TMX4: variants seen among roughly 807,000 people sequenced by gnomAD.
TMX4 encodes the protein thioredoxin related transmembrane protein 4.
Under a neutral mutation model 33.3 loss-of-function variants are expected in TMX4, and 23 were observed. The ratio of observed to expected loss-of-function variants is 0.69; its 90% CI spans 0.50 to 0.98. TMX4 has a LOEUF of 0.98. TMX4 is among the 50% of genes least tolerant of loss of function. The probability of loss-of-function intolerance (pLI) is 0.00; values close to 1 mark genes in which losing one functional copy is unlikely to be tolerated. For synonymous variants in TMX4, 164 were observed against 161.5 expected (o/e 1.02, Z -0.12); for missense variants, 399 against 448.9 (o/e 0.89, Z 1.01).
At chr20:8,016,775 G>A (rs1277437203) in intron 1 of TMX4, among the ~76,000 whole-genome samples, 1 of 152,130 alleles carries the variant, frequency 6.6e-6, no homozygotes, top group African/African-American at 2.4e-5. Flanking sequence ...CTCATTCAAA[G>A]TAATGAATAC....
Position 7,982,221 on chromosome 20 carries a change from G to A in TMX4, c.*30C>T. 6.3e-7 allele frequency: 1 copy of A among 1,593,600 alleles called. No homozygotes were observed. The highest frequency in any genetic ancestry group is 8.6e-7 in the Non-Finnish European group (1 of 1,168,622). On this transcript the variant is annotated 3_prime_UTR_variant, in exon 8 of 8. Coordinates refer to ENST00000246024, the MANE Select transcript of TMX4 (RefSeq NM_021156.4). ...AAAGGGAAGCTGACATATTGTTTTG[G>A]TGTGTATTCTTGAAAACGCATCATT...
intron 4 of TMX4, among the ~76,000 whole-genome samples, chr20:7,999,364 A>G (rs544513326): frequency 6.6e-6 from 1 of 152,342 alleles, no homozygotes; most frequent in East Asian, 1.9e-4. Flanking sequence ...TTCATAAACT[A>G]TAATTCAATA....
At position 8,019,600 on chromosome 20, in the gene TMX4, C is replaced by G. The variant is rs2050803828; in HGVS notation, c.14G>C (p.Arg5Pro). The change falls in exon 1 of 8, where the codon CGC (arginine) becomes CCC (proline). Residue 5 changes from arginine (R) to proline (P), a missense_variant. Transcript: ENST00000246024. ...GAGCGCCGTTAGCTGCGGGCCGCAG[C>G]GCCCACCCGCCATGTTGGGCGCCGA... MAGG[R>P]CGPQLTALLA... 8 of 1,348,428 alleles carry G rather than the reference C, an allele frequency of 5.9e-6. No homozygotes were observed. The highest frequency in any genetic ancestry group is 6.6e-6 in the Non-Finnish European group (7 of 1,052,736). The allele number at this position is 1,348,428 out of a possible 1,614,324, so 83.5% of individuals were successfully genotyped here. A position where few individuals can be genotyped will look rare whatever the true frequency, so the allele number is the denominator to read the frequency against.
intron 1 of TMX4, chr20:8,019,204 G>A (rs2050799058): frequency 3.8e-6 from 2 of 525,878 alleles, no homozygotes; most frequent in Admixed American, 4.2e-5. Context: ...CGAGCGGCCG[G>A]GCCCCACAGC....
intron 1 of TMX4, among the ~76,000 whole-genome samples, chr20:8,011,960 G>A (rs1212614692): frequency 6.6e-6 from 1 of 152,018 alleles, no homozygotes; most frequent in Non-Finnish European, 1.5e-5. Context: ...ATATACAGTA[G>A]GTGTTCAATA....
Position 7,982,353 on chromosome 20 carries a change from C to A in TMX4, c.948G>T (p.Glu316Asp). Residue 316 changes from glutamate to aspartate, a missense_variant, in exon 8 of 8, where the codon GAG becomes GAT. Physicochemically the swap from Glu to Asp is conservative, Grantham distance 45 (BLOSUM62 2). Transcript: ENST00000246024. ...GTTGCTCAGAGATGCCTTCTTCAGC[C>A]TCCTCAGGCTCTACTTCCTCCCGGG... ...GVTREEVEPE[E>D]AEEGISEQPC... The A allele has an allele frequency of 6.2e-7, 1 of 1,614,084 alleles. No individual in the cohort carries two copies. Among genetic ancestry groups the A allele is most frequent in the Non-Finnish European group, 8.5e-7 (1 of 1,180,012 alleles).
rs752842516 is a variant in TMX4, at chr20:7,983,763, A to G, written c.679+31T>C. 29 of 1,599,038 alleles carry G rather than the reference A, an allele frequency of 1.8e-5. No individual in the cohort carries two copies. In the East Asian group the frequency reaches 3.1e-4, roughly 17 times the overall value. On this transcript the variant is annotated intron_variant, in intron 7 of 7. Transcript: ENST00000246024. ...AGGCACATCACAGAATTCCAAAAAC[A>G]CTCTAGATCACAGGAGCTTATCGTA...
chr20:8,004,443 A>C (rs1432312200), intron 2 of TMX4, among the ~76,000 whole-genome samples: 1 of 152,196 alleles, frequency 6.6e-6, no homozygotes, highest in African/African-American at 2.4e-5. Flanking sequence ...TATACTCCTA[A>C]GCTTTTCAGT....
At chr20:7,990,823 T>A (rs960488870) in intron 5 of TMX4, among the ~76,000 whole-genome samples, 1 of 152,218 alleles carries the variant, frequency 6.6e-6, no homozygotes, top group Admixed American at 6.5e-5. Context: ...AAAAGACTCT[T>A]CAATGATGGC....
Position 7,982,258 on chromosome 20 carries a change from C to T in TMX4, c.1043G>A (p.Gly348Glu). ...GAAAACGCATCATTAAATCTACAGTCCCTTGTCAGCATGCTGACTTTTACG... is the reference window on the plus strand; with the variant it reads ...GAAAACGCATCATTAAATCTACAGTTCCTTGTCAGCATGCTGACTTTTACG... ...RQRKSQHADK[G>E]L The change falls in exon 8 of 8, where the codon GGA (glycine) becomes GAA (glutamate). Residue 348 changes from glycine (G) to glutamate (E), a missense_variant. Gly to Glu is a moderately conservative substitution (Grantham distance 98). Coordinates refer to ENST00000246024, the MANE Select transcript of TMX4 (RefSeq NM_021156.4). 1 of 1,613,276 alleles carries T rather than the reference C, an allele frequency of 6.2e-7. No individual in the cohort carries two copies. The highest frequency in any genetic ancestry group is 8.5e-7 in the Non-Finnish European group (1 of 1,179,690).
intron 2 of TMX4, among the ~76,000 whole-genome samples, chr20:8,007,249 CCAA>C (rs1397763178): frequency 3.3e-5 from 5 of 151,852 alleles, no homozygotes; most frequent in Admixed American, 6.6e-5. Flanking sequence ...AGCCCCTGTC[CCAA>C]ACCTACTTCT....
At chr20:8,018,346 G>C (rs1568540895) in intron 1 of TMX4, among the ~76,000 whole-genome samples, 6 of 86,498 alleles carry the variant, frequency 6.9e-5, no homozygotes, top group Admixed American at 1.2e-4. Context: ...AGAGAGAGAG[G>C]AGGGAGAGAG....
chr20:8,005,241 C>A (rs182001035), intron 2 of TMX4, among the ~76,000 whole-genome samples: 158 of 152,256 alleles, frequency 1.0e-3, no homozygotes, highest in South Asian at 2.3e-3. Flanking sequence ...ACCTTGACAA[C>A]TAAGCTCATC....
intron 7 of TMX4, 112 bp downstream of exon 7, chr20:7,983,682 T>C: frequency 1.5e-6 from 1 of 688,652 alleles, no homozygotes; most frequent in Non-Finnish European, 2.3e-6. Context: ...TTGGTAGTGA[T>C]TATTTGGTCA....
At chr20:7,989,022 G>GAA (rs796396431) in intron 5 of TMX4, among the ~76,000 whole-genome samples, 5 of 97,682 alleles carry the variant, frequency 5.1e-5, no homozygotes, top group African/African-American at 3.8e-5. Flanking sequence ...TCCGTCTCAA[G>GAA]AAAAAAAAAA....
chr20:8,008,092 A>G (rs2050738045), intron 2 of TMX4, among the ~76,000 whole-genome samples: 1 of 152,220 alleles, frequency 6.6e-6, no homozygotes. Flanking sequence ...GATTAACTGA[A>G]AGCATTAAAT....
intron 2 of TMX4, among the ~76,000 whole-genome samples, chr20:8,009,917 G>A (rs550985628): frequency 3.7e-4 from 54 of 147,222 alleles, no homozygotes; most frequent in Non-Finnish European, 3.3e-4. Context: ...CCTTTAACGT[G>A]CTAAAGAATT....
At chr20:8,012,810 T>C (rs1250609550) in intron 1 of TMX4, among the ~76,000 whole-genome samples, 1 of 152,174 alleles carries the variant, frequency 6.6e-6, no homozygotes, top group Non-Finnish European at 1.5e-5. Flanking sequence ...GATATGCCAC[T>C]GAGGTAATTT....
Position 7,999,651 on chromosome 20 carries a change from A to G in TMX4, c.467+81T>C, listed in dbSNP as rs1003395010. Reference sequence around the variant, plus strand: ...TGGAAGTAAATGTGAAGTAAAACATAGGCTTTTTTGAGACCCACAGGCTAT... The same window carrying G: ...TGGAAGTAAATGTGAAGTAAAACATGGGCTTTTTTGAGACCCACAGGCTAT... On this transcript the variant is annotated intron_variant, in intron 4 of 7. Transcript: ENST00000246024. The G allele has an allele frequency of 1.4e-5, 21 of 1,468,358 alleles. No homozygotes were observed. In the South Asian group the frequency reaches 2.4e-4, roughly 17 times the overall value. The allele number at this position is 1,468,358 out of a possible 1,614,324, so 91.0% of individuals were successfully genotyped here. A position where few individuals can be genotyped will look rare whatever the true frequency, so the allele number is the denominator to read the frequency against.
Sources: allele counts gnomAD v4.1 joint callset (sites outside exome capture counted in the v4.1 genomes callset), GRCh38; gene constraint gnomAD v4.1.1; transcripts MANE v1.5; gene names NCBI Gene and HGNC (gene_info 2026-07-23, HGNC 2026-07-21).